The following ADGRB2 variants were observed in gnomAD, a reference collection of about 807,000 sequenced individuals.
ADGRB2 encodes adhesion G protein-coupled receptor B2.
A neutral mutation model predicts 178.7 loss-of-function variants in ADGRB2; 47 were observed. The ratio of observed to expected loss-of-function variants is 0.26; its 90% CI spans 0.21 to 0.34. ADGRB2 has a LOEUF of 0.34. ADGRB2 is among the 10% of genes least tolerant of loss of function. The pLI is 1.00. For missense variants in ADGRB2, 1,584 were observed against 2,180.8 expected, an observed-to-expected ratio of 0.73 and a Z score of 5.45; for synonymous variants, 870 against 912.4, an observed-to-expected ratio of 0.95 and a Z score of 0.84.
chr1:31,755,772 C>G lies in ADGRB2; in HGVS notation c.838+227G>C, dbSNP rs1646799972. On this transcript the variant is annotated intron_variant, in intron 4 of 32. Coordinates refer to ENST00000373658, the MANE Select transcript of ADGRB2 (RefSeq NM_001364857.2). This position sits in a 1 kb window ranked among gnomAD's most constrained non-coding sequence, Gnocchi z 5.1. The stretch of plus-strand genomic sequence containing the variant: ...TCCCTCCCTGGGTTTATATATCACC[C>G]TGCATTATCTGATCTGTGCCCCCAT... Among the ~76,000 whole-genome samples the G allele has an allele frequency of 6.6e-6, 1 of 152,066 alleles. No individual in the cohort carries two copies. The highest frequency in any genetic ancestry group is 1.5e-5 in the Non-Finnish European group (1 of 68,016).
Position 31,728,689 on chromosome 1 carries a change from A to T in ADGRB2, c.4381-56T>A. On this transcript the variant is annotated intron_variant, in intron 29 of 32. Transcript: ENST00000373658. This position sits in a 1 kb window ranked among gnomAD's most constrained non-coding sequence, Gnocchi z 6.7. Reference sequence around the variant, plus strand: ...GAGAAGAAAGCTTTTTACCACCGGCAGGGGCTTTAGAGACAGGAAGCCTGG... The same window carrying T: ...GAGAAGAAAGCTTTTTACCACCGGCTGGGGCTTTAGAGACAGGAAGCCTGG... 6.2e-7 allele frequency: 1 copy of T among 1,600,924 alleles called. No homozygotes were observed. Among genetic ancestry groups the T allele is most frequent in the Middle Eastern group, 1.7e-4 (1 of 6,030 alleles).
chr1:31,761,637 G>A lies in ADGRB2; in HGVS notation c.-191+2247C>T, dbSNP rs754899321. ...GAAGTTGCAGGACCAAGGAGGAGAT[G>A]AGGGAAACTGACAGTCACTGGCTCC... On this transcript the variant is annotated intron_variant, in intron 1 of 32. Transcript: ENST00000373658. The surrounding 1 kb of genome is among the most constrained non-coding windows in gnomAD (Gnocchi z 4.2). Among the ~76,000 whole-genome samples, 1 of 152,186 alleles carries A rather than the reference G, an allele frequency of 6.6e-6. No homozygotes were observed. The highest frequency in any genetic ancestry group is 2.4e-5 in the African/African-American group (1 of 41,428).
chr1:31,735,159 C>T lies in ADGRB2; in HGVS notation c.3452+24G>A, dbSNP rs946920381. 1.6e-5 allele frequency: 22 copies of T among 1,413,968 alleles called. No homozygotes were observed. The highest frequency in any genetic ancestry group is 1.4e-4 in the African/African-American group (10 of 69,008). 87.6% of individuals were successfully genotyped at this position (1,413,968 alleles called of 1,614,324 possible). On this transcript the variant is annotated intron_variant, in intron 25 of 32. Coordinates refer to ENST00000373658, the MANE Select transcript of ADGRB2 (RefSeq NM_001364857.2). This position sits in a 1 kb window ranked among gnomAD's most constrained non-coding sequence, Gnocchi z 6.0. ...ATTCCTTTGCCCCACCCACCCCCAC[C>T]GCCCCCCAGGGGGCACGACTAACAT...
Position 31,744,324 on chromosome 1 carries a change from C to A in ADGRB2, c.956G>T (p.Ser319Ile), listed in dbSNP as rs1335994194. Reference protein sequence around the residue: ...DPAAEEWSPWSVCSLTCGQGL... With the variant: ...DPAAEEWSPWIVCSLTCGQGL... ...CTGCCCACACGTCAGGGAACACACG[C>A]TCCACGGGGACCACTCCTCAGCCGC... The change falls in exon 6 of 33, where the codon AGC (serine) becomes ATC (isoleucine). Residue 319 changes from serine to isoleucine, a missense_variant. Transcript: ENST00000373658. The surrounding 1 kb of genome is among the most constrained non-coding windows in gnomAD (Gnocchi z 6.7). 2 of 1,551,206 alleles carry A rather than the reference C, an allele frequency of 1.3e-6. No homozygotes were observed. The highest frequency in any genetic ancestry group is 1.7e-6 in the Non-Finnish European group (2 of 1,146,922).
rs527982749 is a variant in ADGRB2, at chr1:31,758,887, G to C, written c.-190-1376C>G. On this transcript the variant is annotated intron_variant, in intron 1 of 32. Transcript: ENST00000373658. This position sits in a 1 kb window ranked among gnomAD's most constrained non-coding sequence, Gnocchi z 4.2. ...CCACACTGCTCAGCTCGCCCCACCT[G>C]CTGCGGCACTAGCCAAGCCAGCGGC... Among the ~76,000 whole-genome samples the C allele has an allele frequency of 6.6e-6, 1 of 152,196 alleles. No homozygotes were observed. The highest frequency in any genetic ancestry group is 1.5e-5 in the Non-Finnish European group (1 of 68,038).
At chr1:31,737,141 CG>C (rs1234272808) in intron 20 of ADGRB2, among the ~76,000 whole-genome samples, 2 of 152,190 alleles carry the variant, frequency 1.3e-5, no homozygotes, top group African/African-American at 4.8e-5. Flanking sequence ...GGCTTCCACA[CG>C]CTCACAGACA....
rs140705121 is a variant in ADGRB2, at chr1:31,730,029, C to G, written c.4380+771G>C. Reference sequence around the variant, plus strand: ...GCAGGAACAGCCAATTGTGGCTAAGCCACGACTCCTGTCCCTTTCCTTAAC... The same window carrying G: ...GCAGGAACAGCCAATTGTGGCTAAGGCACGACTCCTGTCCCTTTCCTTAAC... On this transcript the variant is annotated intron_variant, in intron 29 of 32. Coordinates refer to ENST00000373658, the MANE Select transcript of ADGRB2 (RefSeq NM_001364857.2). 2.2e-3 allele frequency among the ~76,000 whole-genome samples: 334 copies of G among 152,354 alleles called. 1 individual carries two copies. Among genetic ancestry groups the G allele is most frequent in the African/African-American group, 7.7e-3 (322 of 41,572 alleles).
Position 31,728,673 on chromosome 1 carries a change from G to C in ADGRB2, c.4381-40C>G. ...CAAGGAGGCAATGGAGGAGAAGAAAGCTTTTTACCACCGGCAGGGGCTTTA... is the reference window on the plus strand; with the variant it reads ...CAAGGAGGCAATGGAGGAGAAGAAACCTTTTTACCACCGGCAGGGGCTTTA... On this transcript the variant is annotated intron_variant, in intron 29 of 32. Coordinates refer to ENST00000373658, the MANE Select transcript of ADGRB2 (RefSeq NM_001364857.2). The surrounding 1 kb of genome is among the most constrained non-coding windows in gnomAD (Gnocchi z 6.7). 2 of 1,611,610 alleles carry C rather than the reference G, an allele frequency of 1.2e-6. No homozygotes were observed. Among genetic ancestry groups the C allele is most frequent in the Non-Finnish European group, 1.7e-6 (2 of 1,177,864 alleles).
rs557259404 is a variant in ADGRB2, at chr1:31,753,290, A to G, written c.838+2709T>C. On this transcript the variant is annotated intron_variant, in intron 4 of 32. Coordinates refer to ENST00000373658, the MANE Select transcript of ADGRB2 (RefSeq NM_001364857.2). The surrounding 1 kb of genome is among the most constrained non-coding windows in gnomAD (Gnocchi z 4.1). The stretch of plus-strand genomic sequence containing the variant: ...AGATTGCGGCAGCAAGATGGCACAA[A>G]TTTATGGCTCAACTCACCAAAAATA... 2.0e-5 allele frequency among the ~76,000 whole-genome samples: 3 copies of G among 152,284 alleles called. No individual in the cohort carries two copies. The highest frequency in any genetic ancestry group is 7.2e-5 in the African/African-American group (3 of 41,556).
intron 25 of ADGRB2, among the ~76,000 whole-genome samples, chr1:31,734,421 G>A (rs1271423416): frequency 6.6e-6 from 1 of 152,216 alleles, no homozygotes; most frequent in African/African-American, 2.4e-5. Context: ...AGTGCAGACG[G>A]GGTGAGGGAG....
rs1017407594 is a variant in ADGRB2 at position 31,735,532 on chromosome 1, C to T, written c.3353+48G>A. 8.2e-6 allele frequency: 13 copies of T among 1,591,602 alleles called. No homozygotes were observed. Among genetic ancestry groups the T allele is most frequent in the Non-Finnish European group, 1.1e-5 (13 of 1,160,884 alleles). On this transcript the variant is annotated intron_variant, in intron 24 of 32. Transcript: ENST00000373658. The surrounding 1 kb of genome is among the most constrained non-coding windows in gnomAD (Gnocchi z 6.0). Reference sequence around the variant, plus strand: ...TCCAAGAGCACCCATGTCCCTCCCTCCCTGCACCATTTCCAGAAAGGCCAA... The same window carrying T: ...TCCAAGAGCACCCATGTCCCTCCCTTCCTGCACCATTTCCAGAAAGGCCAA...
chr1:31,732,356 A>G (rs1463610102), intron 27 of ADGRB2, among the ~76,000 whole-genome samples, 161 bp downstream of exon 27: 4 of 152,214 alleles, frequency 2.6e-5, no homozygotes, highest in African/African-American at 7.2e-5. Flanking sequence ...TGGGGGAAGG[A>G]CTTGCCCAAT....
chr1:31,761,541 A>C lies in ADGRB2; in HGVS notation c.-191+2343T>G, dbSNP rs143731443. 3.0e-4 allele frequency among the ~76,000 whole-genome samples: 45 copies of C among 152,142 alleles called. No individual in the cohort carries two copies. The highest frequency in any genetic ancestry group is 9.6e-4 in the African/African-American group (40 of 41,482). ...CTGCAGCCTCTACACTTGAACCAAG[A>C]CCCCAGAGACCATGGCCTGGCTTTC... is the stretch of plus-strand genomic sequence containing the variant. On this transcript the variant is annotated intron_variant, in intron 1 of 32. Transcript: ENST00000373658. This position sits in a 1 kb window ranked among gnomAD's most constrained non-coding sequence, Gnocchi z 4.2.
At chr1:31,748,043 T>A (rs1213032771) in intron 4 of ADGRB2, among the ~76,000 whole-genome samples, 1 of 152,240 alleles carries the variant, frequency 6.6e-6, no homozygotes, top group Non-Finnish European at 1.5e-5. Context: ...TGGCATCCAG[T>A]GCCCACCAAA....
At position 31,758,247 on chromosome 1, in the gene ADGRB2, G is replaced by A. The variant is rs1366123512; in HGVS notation, c.-190-736C>T. On this transcript the variant is annotated intron_variant, in intron 1 of 32. Coordinates refer to ENST00000373658, the MANE Select transcript of ADGRB2 (RefSeq NM_001364857.2). The surrounding 1 kb of genome is among the most constrained non-coding windows in gnomAD (Gnocchi z 4.2). Reference sequence around the variant, plus strand: ...GAAAAGATGGGGCTAGGAAAAGGGAGACAACCCGCTCCAGATCACACAAAG... The same window carrying A: ...GAAAAGATGGGGCTAGGAAAAGGGAAACAACCCGCTCCAGATCACACAAAG... 6.6e-6 allele frequency among the ~76,000 whole-genome samples: 1 copy of A among 152,192 alleles called. No individual in the cohort carries two copies.
intron 4 of ADGRB2, among the ~76,000 whole-genome samples, chr1:31,750,119 T>C (rs144504357): frequency 2.6e-5 from 4 of 152,192 alleles, no homozygotes; most frequent in Non-Finnish European, 5.9e-5. Context: ...GCCAAAATCA[T>C]CTACATGTCA....
At chr1:31,737,393 C>T in intron 20 of ADGRB2, 36 bp downstream of exon 20, 4 of 1,578,246 alleles carry the variant, frequency 2.5e-6, no homozygotes, top group Non-Finnish European at 3.5e-6. Flanking sequence ...CTCCACCCCA[C>T]TCACACCCCT....
At chr1:31,763,491 A>T (rs1318671432) in intron 1 of ADGRB2, among the ~76,000 whole-genome samples, 1 of 109,010 alleles carries the variant, frequency 9.2e-6, no homozygotes, top group Admixed American at 1.2e-4. Flanking sequence ...GTTGAGCTGC[A>T]GGTTAATGGG....
intron 7 of ADGRB2, 125 bp from the exon 8 acceptor site, chr1:31,742,342 G>A: frequency 7.7e-7 from 1 of 1,305,826 alleles, no homozygotes; most frequent in Non-Finnish European, 1.0e-6. Context: ...CAGACCCACT[G>A]GAGTGGGGAG....
Sources: gnomAD v4.1 joint callset for allele counts (sites outside exome capture counted in the v4.1 genomes callset) on GRCh38, gnomAD v4.1.1 for gene constraint, Gnocchi (gnomAD v3.1) non-coding constraint, MANE v1.5 for transcripts, NCBI Gene and HGNC (gene_info 2026-07-23, HGNC 2026-07-21) for gene names.